SLIT2: variants seen among roughly 807,000 people sequenced by gnomAD.
SLIT2 encodes slit guidance ligand 2, also known as slit homolog 2 protein.
In SLIT2, 41 loss-of-function variants were observed where a neutral mutation model predicts 185.7. That is an observed-to-expected ratio of 0.22 (90% CI 0.17 to 0.29). The LOEUF (loss-of-function observed/expected upper bound fraction) is 0.29. SLIT2 is among the 10% of genes least tolerant of loss of function. The probability of loss-of-function intolerance (pLI) is 1.00; values close to 1 mark genes in which losing one functional copy is unlikely to be tolerated. For missense variants in SLIT2, 1,571 were observed against 1,909.0 expected, an observed-to-expected ratio of 0.82 and a Z score of 3.30; for synonymous variants, 693 against 680.2, an observed-to-expected ratio of 1.02 and a Z score of -0.29.
intron 4 of SLIT2, among the ~76,000 whole-genome samples, chr4:20,406,597 C>T (rs1286267727): frequency 1.4e-5 from 2 of 144,096 alleles, no homozygotes; most frequent in African/African-American, 4.9e-5. Context: ...ACCATAGTGA[C>T]ATACCATCAC....
chr4:20,612,854 C>T (rs1183088540), intron 34 of SLIT2, among the ~76,000 whole-genome samples: 1 of 145,806 alleles, frequency 6.9e-6, no homozygotes, highest in Non-Finnish European at 1.5e-5. Flanking sequence ...GTAGGTGGAG[C>T]TTGCAGTGAG....
At chr4:20,576,373 T>C (rs1726086931) in intron 29 of SLIT2, among the ~76,000 whole-genome samples, 1 of 152,174 alleles carries the variant, frequency 6.6e-6, no homozygotes, top group South Asian at 2.1e-4. Context: ...AAGATTTTAT[T>C]TAGGGATAGG....
At chr4:20,285,633 A>G (rs61790833) in intron 4 of SLIT2, among the ~76,000 whole-genome samples, 29,924 of 151,976 alleles carry the variant, frequency 0.2, 3,507 homozygotes, top group Middle Eastern at 0.31. Flanking sequence ...ACTGCAACCT[A>G]TGCCTCCTGA....
chr4:20,462,856 C>T (rs997297458), intron 4 of SLIT2, among the ~76,000 whole-genome samples: 1 of 152,112 alleles, frequency 6.6e-6, no homozygotes, highest in Non-Finnish European at 1.5e-5. Flanking sequence ...AGAAATGTCT[C>T]ACATCGACTA....
At chr4:20,425,560 T>C (rs1198904830) in intron 4 of SLIT2, among the ~76,000 whole-genome samples, 2 of 152,140 alleles carry the variant, frequency 1.3e-5, no homozygotes, top group Non-Finnish European at 2.9e-5. Context: ...TTTAAAGAAA[T>C]GTCATATTGA....
At chr4:20,280,057 G>A (rs1714571334) in intron 4 of SLIT2, among the ~76,000 whole-genome samples, 1 of 152,104 alleles carries the variant, frequency 6.6e-6, no homozygotes. Flanking sequence ...TTTACAGCTG[G>A]GCATGGTGGC....
intron 9 of SLIT2, among the ~76,000 whole-genome samples, chr4:20,501,012 C>A (rs536521056): frequency 1.7e-4 from 26 of 152,196 alleles, no homozygotes; most frequent in African/African-American, 6.0e-4. Context: ...GTTAGAAAAA[C>A]AAAATGCAAT....
At chr4:20,370,957 C>G (rs1440130009) in intron 4 of SLIT2, among the ~76,000 whole-genome samples, 6 of 152,130 alleles carry the variant, frequency 3.9e-5, no homozygotes, top group Non-Finnish European at 7.4e-5. Context: ...TGTGCATTCT[C>G]TTTTAGAAAT....
intron 4 of SLIT2, among the ~76,000 whole-genome samples, chr4:20,297,932 A>G (rs2109098353): frequency 6.6e-6 from 1 of 152,290 alleles, no homozygotes; most frequent in Admixed American, 6.5e-5. Context: ...CCATAGAAAC[A>G]ATGTTGTAAA....
At chr4:20,291,474 ATATATATATATATATATATTTTTTTT>A (rs1291079596) in intron 4 of SLIT2, among the ~76,000 whole-genome samples, 322 of 11,586 alleles carry the variant, frequency 0.028, no homozygotes, top group East Asian at 0.16. Flanking sequence ...ATATATATAT[ATATATATATATATATATATTTTTTTT>A]TTTTTTTTTT....
rs945061453 is a variant in SLIT2 at position 20,484,590 on chromosome 4, T to A, written c.540-1610T>A. 2.0e-5 allele frequency among the ~76,000 whole-genome samples: 3 copies of A among 152,094 alleles called. No homozygotes were observed. Among genetic ancestry groups the A allele is most frequent in the African/African-American group, 7.2e-5 (3 of 41,432 alleles). On this transcript the variant is annotated intron_variant, in intron 6 of 36. Transcript: ENST00000504154. This position sits in a 1 kb window ranked among gnomAD's most constrained non-coding sequence, Gnocchi z 4.3. ...TGTTTTACTGAAAAGTTTTTGTCAATCTCTTGACCTCTGAACGCACCATCA... is the reference window on the plus strand; with the variant it reads ...TGTTTTACTGAAAAGTTTTTGTCAAACTCTTGACCTCTGAACGCACCATCA...
intron 4 of SLIT2, among the ~76,000 whole-genome samples, chr4:20,444,967 A>G (rs1441466082): frequency 2.0e-5 from 3 of 152,184 alleles, no homozygotes; most frequent in African/African-American, 7.2e-5. Flanking sequence ...CTTTGTATTT[A>G]TAATAATATC....
Position 20,426,510 on chromosome 4 carries a change from G to A in SLIT2, c.396-41242G>A, listed in dbSNP as rs535568362. 2.6e-5 allele frequency among the ~76,000 whole-genome samples: 4 copies of A among 152,300 alleles called. No individual in the cohort carries two copies. The South Asian group carries it at 8.3e-4, about 32-fold the overall frequency. On this transcript the variant is annotated intron_variant, in intron 4 of 36. Coordinates refer to ENST00000504154, the MANE Select transcript of SLIT2 (RefSeq NM_004787.4). Reference sequence around the variant, plus strand: ...CAGATGACCTGAAAAGATGCACTGTGTAAGATGCTATTAATGAGAAAGGAT... The same window carrying A: ...CAGATGACCTGAAAAGATGCACTGTATAAGATGCTATTAATGAGAAAGGAT...
At chr4:20,327,874 A>G (rs1289012111) in intron 4 of SLIT2, among the ~76,000 whole-genome samples, 1 of 152,060 alleles carries the variant, frequency 6.6e-6, no homozygotes, top group Non-Finnish European at 1.5e-5. Flanking sequence ...TTGGAAATCT[A>G]AATGTTGTTT....
chr4:20,566,394 A>G (rs1198293783), intron 26 of SLIT2, among the ~76,000 whole-genome samples: 3 of 152,080 alleles, frequency 2.0e-5, no homozygotes, highest in African/African-American at 7.2e-5. Context: ...AGAATGCACA[A>G]AGTATCATAG....
chr4:20,606,487 A>AC (rs33916533), intron 33 of SLIT2, among the ~76,000 whole-genome samples: 1 of 151,868 alleles, frequency 6.6e-6, no homozygotes, highest in Non-Finnish European at 1.5e-5. Context: ...GTCTCAAAAA[A>AC]AAAAAAGGAA....
intron 4 of SLIT2, among the ~76,000 whole-genome samples, chr4:20,443,495 G>T (rs1729923178): frequency 6.9e-6 from 1 of 145,484 alleles, no homozygotes; most frequent in African/African-American, 2.5e-5. Flanking sequence ...GGGCACTTGG[G>T]TTTATTAGTC....
In SLIT2 at chr4:20,352,636, G is replaced by A. The variant is rs373747841; in HGVS notation, c.395+83755G>A. ...TATCTTTTAAGAAATATTTGAGGCC[G>A]GATGTAGTGGCTCACGCCTGTAATC... On this transcript the variant is annotated intron_variant, in intron 4 of 36. Coordinates refer to ENST00000504154, the MANE Select transcript of SLIT2 (RefSeq NM_004787.4). 2.0e-4 allele frequency among the ~76,000 whole-genome samples: 30 copies of A among 152,274 alleles called. No individual in the cohort carries two copies. In the East Asian group the frequency reaches 2.5e-3, roughly 13 times the overall value.
chr4:20,456,249 G>A (rs1193488249), intron 4 of SLIT2, among the ~76,000 whole-genome samples: 3 of 152,092 alleles, frequency 2.0e-5, no homozygotes, highest in Non-Finnish European at 4.4e-5. Flanking sequence ...CAGTGTTTTA[G>A]AATCCCAACA....
Sources: gnomAD v4.1 joint callset for allele counts (sites outside exome capture counted in the v4.1 genomes callset) on GRCh38, gnomAD v4.1.1 for gene constraint, Gnocchi (gnomAD v3.1) non-coding constraint, MANE v1.5 for transcripts, NCBI Gene and HGNC (gene_info 2026-07-23, HGNC 2026-07-21) for gene names.